The following NLRP5 variants were observed in gnomAD, a reference collection of about 807,000 sequenced individuals.
The protein encoded by NLRP5 is NLR family pyrin domain containing 5, also known as NACHT, LRR and PYD domains-containing protein 5.
A neutral mutation model predicts 113.1 loss-of-function variants in NLRP5; 93 were observed. The ratio of observed to expected loss-of-function variants is 0.82; its 90% CI spans 0.70 to 0.98. The LOEUF (loss-of-function observed/expected upper bound fraction) is 0.98. NLRP5 is among the 50% of genes least tolerant of loss of function. The probability of loss-of-function intolerance (pLI) is 0.00; values close to 1 mark genes in which losing one functional copy is unlikely to be tolerated. For missense variants in NLRP5, 1,808 were observed against 1,514.3 expected (o/e 1.19, Z -3.22); for synonymous variants, 751 against 600.7 (o/e 1.25, Z -3.66).
the NLRP5 span, among the ~76,000 whole-genome samples, chr19:55,990,854 G>T: frequency 1.3e-5 from 2 of 151,942 alleles, no homozygotes; most frequent in South Asian, 2.1e-4. Flanking sequence ...CATGGTTGAG[G>T]GTGTCTGTAA....
intron 14 of NLRP5, among the ~76,000 whole-genome samples, chr19:56,060,315 T>A (rs968064214): frequency 2.0e-5 from 3 of 152,184 alleles, no homozygotes; most frequent in African/African-American, 7.2e-5. Context: ...TCTAGTAGAC[T>A]ATAAGCTTGG....
Position 56,028,029 on chromosome 19 carries a change from A to T in NLRP5, c.1796A>T (p.Glu599Val). 1 of 1,613,970 alleles carries T rather than the reference A, an allele frequency of 6.2e-7. No homozygotes were observed. Among genetic ancestry groups the T allele is most frequent in the Non-Finnish European group, 8.5e-7 (1 of 1,179,878 alleles). Residue 599 changes from glutamate (E) to valine (V), a missense_variant, in exon 7 of 15, where the codon GAG becomes GTG. Transcript: ENST00000390649. The stretch of plus-strand genomic sequence containing the variant: ...TGTGCCGCCTTGTACTACGTGTTAG[A>T]GGGCCTGGAAATCGAGCCAGCTCTC...
rs190158201 is a variant in NLRP5 at position 56,026,611 on chromosome 19, G to A, written c.680-302G>A. Among the ~76,000 whole-genome samples, 220 of 148,772 alleles carry A rather than the reference G, an allele frequency of 1.5e-3. 1 individual carries two copies. Among genetic ancestry groups the A allele is most frequent in the African/African-American group, 5.0e-3 (202 of 40,370 alleles). On this transcript the variant is annotated intron_variant, in intron 6 of 14. Coordinates refer to ENST00000390649, the MANE Select transcript of NLRP5 (RefSeq NM_153447.4). ...TATTTTTATTTTGAGATAGAGTCTC[G>A]CTCTGTGACCAGGCTGGAGTGCAGT...
chr19:56,041,252 T>C (rs191542823), intron 11 of NLRP5, among the ~76,000 whole-genome samples, 160 bp downstream of exon 11: 16 of 152,266 alleles, frequency 1.1e-4, no homozygotes, highest in African/African-American at 3.9e-4. Context: ...TTTCATCCTT[T>C]CTTGGAAAAT....
chr19:56,040,996 C>G lies in NLRP5; in HGVS notation c.2861C>G (p.Thr954Arg), dbSNP rs1331536602. ...GCCCTCGTCAGCAACCGGAGCTTGA[C>G]ACACCTGTGCCTATCCAACAACAGC... is the stretch of plus-strand genomic sequence containing the variant. Residue 954 changes from threonine to arginine, a missense_variant, in exon 11 of 15, where the codon ACA (threonine) becomes AGA (arginine). Thr to Arg is a moderately conservative substitution (Grantham distance 71). Transcript: ENST00000390649. 6.2e-7 allele frequency: 1 copy of G among 1,613,856 alleles called. No individual in the cohort carries two copies. The highest frequency in any genetic ancestry group is 1.3e-5 in the African/African-American group (1 of 74,926).
At position 56,061,531 on chromosome 19, in the gene NLRP5, A is replaced by G. The variant is rs1271436138; in HGVS notation, c.*3A>G. 1 of 1,613,916 alleles carries G rather than the reference A, an allele frequency of 6.2e-7. No individual in the cohort carries two copies. The highest frequency in any genetic ancestry group is 1.1e-5 in the South Asian group (1 of 91,072). On this transcript the variant is annotated 3_prime_UTR_variant, in exon 15 of 15. Coordinates refer to ENST00000390649, the MANE Select transcript of NLRP5 (RefSeq NM_153447.4). ...ACCGGTACTGGTGGAAAAACTGAAG[A>G]TACGGAAACCTGCCCCACTCACACC...
chr19:56,045,535 A>G (rs920003101), intron 11 of NLRP5, among the ~76,000 whole-genome samples: 1 of 152,030 alleles, frequency 6.6e-6, no homozygotes, highest in African/African-American at 2.4e-5. Flanking sequence ...AACATTAGAT[A>G]TATCTCGTAA....
chr19:56,024,518 T>C (rs1167303906), intron 6 of NLRP5, among the ~76,000 whole-genome samples: 2 of 51,570 alleles, frequency 3.9e-5, no homozygotes, highest in African/African-American at 9.2e-5. Flanking sequence ...TATATGTGTA[T>C]GTATATGTAT....
At chr19:56,032,306 C>G (rs1215014843) in intron 7 of NLRP5, among the ~76,000 whole-genome samples, 1 of 151,016 alleles carries the variant, frequency 6.6e-6, no homozygotes, top group African/African-American at 2.4e-5. Flanking sequence ...GATTGCGCCA[C>G]TGCGCTCCAG....
At chr19:55,989,515 AG>A in the NLRP5 span, among the ~76,000 whole-genome samples, 1 of 152,160 alleles carries the variant, frequency 6.6e-6, no homozygotes, top group Admixed American at 6.6e-5. Context: ...AGCCTCCCAA[AG>A]TTCTGGGATG....
At chr19:56,029,525 C>T (rs751011589) in intron 7 of NLRP5, among the ~76,000 whole-genome samples, 3 of 152,114 alleles carry the variant, frequency 2.0e-5, no homozygotes, top group Admixed American at 6.5e-5. Context: ...CTTGGCCTCC[C>T]AAAGTGCTGG....
chr19:56,043,542 CT>C lies in NLRP5; in HGVS notation c.2957+2491del, dbSNP rs369622191. On this transcript the variant is annotated intron_variant, in intron 11 of 14. Coordinates refer to ENST00000390649, the MANE Select transcript of NLRP5 (RefSeq NM_153447.4). ...TGGATTGTCTGTTTACTCTGCTATT[CT>C]TTTTTTTTTTTTTTTTTTTTTTTTT... Among the ~76,000 whole-genome samples, 5 of 92,964 alleles carry C rather than the reference CT, an allele frequency of 5.4e-5. No homozygotes were observed. In the East Asian group the frequency reaches 1.4e-3, roughly 26 times the overall value. The allele number at this position is 92,964 out of a possible 152,430, so 61.0% of individuals were successfully genotyped here. A position where few individuals can be genotyped will look rare whatever the true frequency, so the allele number is the denominator to read the frequency against.
chr19:55,992,959 C>T, the NLRP5 span, among the ~76,000 whole-genome samples: 16 of 151,916 alleles, frequency 1.1e-4, no homozygotes, highest in East Asian at 3.1e-3. Context: ...AAGCGATTCT[C>T]CTGCCTCAGC....
chr19:56,018,515 T>C (rs1410705614), intron 4 of NLRP5: 3 of 152,232 alleles, frequency 2.0e-5, no homozygotes, highest in Non-Finnish European at 4.4e-5. Context: ...CAGAAACATT[T>C]AACTTCAGTA....
At chr19:56,042,629 C>T (rs146977659) in intron 11 of NLRP5, among the ~76,000 whole-genome samples, 2,729 of 152,238 alleles carry the variant, frequency 0.018, 66 homozygotes, top group African/African-American at 0.061. Flanking sequence ...AGGCATGAGC[C>T]ACCATGCCCA....
In NLRP5 at chr19:56,027,079, G is replaced by T; in HGVS notation, c.846G>T (p.Val282=). ...GGTGGGGCTTCCGGCCTCGCACGGT[G>T]GTTCTGCACGGAAAGTCAGGAATTG... Residue 282 remains valine, a synonymous_variant, in exon 7 of 15, where the codon GTG becomes GTT. Coordinates refer to ENST00000390649, the MANE Select transcript of NLRP5 (RefSeq NM_153447.4). 1 of 1,562,394 alleles carries T rather than the reference G, an allele frequency of 6.4e-7. No individual in the cohort carries two copies. The highest frequency in any genetic ancestry group is 2.4e-5 in the East Asian group (1 of 41,692).
intron 6 of NLRP5, among the ~76,000 whole-genome samples, chr19:56,024,389 T>A: frequency 8.1e-6 from 1 of 123,782 alleles, no homozygotes; most frequent in Admixed American, 8.2e-5. Flanking sequence ...ATATATAACA[T>A]ATATACATAT....
intron 2 of NLRP5, among the ~76,000 whole-genome samples, chr19:56,007,869 TTG>T (rs140570438): frequency 0.17 from 14,310 of 85,822 alleles, 1,653 homozygotes; most frequent in Admixed American, 0.24. Context: ...ACAAGACAGT[TTG>T]TGTGTGTGTG....
At chr19:56,020,136 C>T (rs1982561679) in intron 5 of NLRP5, among the ~76,000 whole-genome samples, 1 of 151,838 alleles carries the variant, frequency 6.6e-6, no homozygotes, top group African/African-American at 2.4e-5. Context: ...CCGACCTACC[C>T]CTCATTTTAA....
Sources: allele counts gnomAD v4.1 joint callset (sites outside exome capture counted in the v4.1 genomes callset), GRCh38; gene constraint gnomAD v4.1.1; transcripts MANE v1.5; gene names NCBI Gene and HGNC (gene_info 2026-07-23, HGNC 2026-07-21).